GALM: variants seen among roughly 807,000 people sequenced by gnomAD.
The protein encoded by GALM is aldose 1-epimerase.
In GALM, 43 loss-of-function variants were observed where a neutral mutation model predicts 37.4. That is an observed-to-expected ratio of 1.15 (90% CI 0.90 to 1.48). GALM has a LOEUF of 1.48. GALM is among the 40% of genes most tolerant of loss of function. GALM has a pLI of 0.00. For synonymous variants in GALM, 199 were observed against 170.6 expected (o/e 1.17, Z -1.30); for missense variants, 456 against 419.1 (o/e 1.09, Z -0.77).
In GALM at chr2:38,681,387, C is replaced by G. The variant is rs771030730; in HGVS notation, c.453C>G (p.Thr151=). Residue 151 remains threonine, a synonymous_variant, in exon 3 of 7, where the codon ACC becomes ACG. Transcript: ENST00000272252. ...AGTTAAAAGTCTGGGTGACATACAC[C>G]CTGGATGGCGGAGAGCTCATAGTCA... ...PGELKVWVTY[T]LDGGELIVNY... 4.3e-6 allele frequency: 7 copies of G among 1,614,018 alleles called. No homozygotes were observed. Among genetic ancestry groups the G allele is most frequent in the Non-Finnish European group, 5.9e-6 (7 of 1,179,950 alleles).
At chr2:38,714,082 A>G (rs1187759807) in intron 4 of GALM, among the ~76,000 whole-genome samples, 1 of 152,200 alleles carries the variant, frequency 6.6e-6, no homozygotes, top group Non-Finnish European at 1.5e-5. Flanking sequence ...CTTTGTAAGT[A>G]TTAACTATTA....
intron 1 of GALM, among the ~76,000 whole-genome samples, chr2:38,672,413 G>A (rs549483802): frequency 6.6e-6 from 1 of 152,208 alleles, no homozygotes; most frequent in Non-Finnish European, 1.5e-5. Flanking sequence ...CAGTGTATGG[G>A]CTTTTAAAGC....
chr2:38,684,233 G>A (rs969592885), intron 3 of GALM, among the ~76,000 whole-genome samples: 59 of 152,182 alleles, frequency 3.9e-4, no homozygotes, highest in Non-Finnish European at 7.3e-4. Flanking sequence ...AAGTTTGAGG[G>A]TTGGAGACCT....
chr2:38,716,934 C>A (rs1666280414), intron 4 of GALM, among the ~76,000 whole-genome samples: 2 of 152,138 alleles, frequency 1.3e-5, no homozygotes, highest in African/African-American at 4.8e-5. Context: ...GGCAGAAATG[C>A]ACCTTCCTTT....
chr2:38,724,669 C>T (rs764485364), intron 4 of GALM, among the ~76,000 whole-genome samples: 1 of 152,034 alleles, frequency 6.6e-6, no homozygotes, highest in Non-Finnish European at 1.5e-5. Context: ...TTAGAATTGT[C>T]CCAGTTTTCT....
intron 2 of GALM, among the ~76,000 whole-genome samples, chr2:38,680,739 CAAAG>C (rs556454727): frequency 8.2e-4 from 124 of 150,934 alleles, no homozygotes; most frequent in African/African-American, 3.0e-3. Flanking sequence ...GAAAAATCAT[CAAAG>C]AAGAGGAGAG....
chr2:38,683,308 T>C (rs1275716802), intron 3 of GALM, among the ~76,000 whole-genome samples: 1 of 152,206 alleles, frequency 6.6e-6, no homozygotes, highest in Admixed American at 6.6e-5. Flanking sequence ...TCCTAGATCA[T>C]AGACCCCACC....
chr2:38,680,266 C>T, intron 2 of GALM: 1 of 242,974 alleles, frequency 4.1e-6, no homozygotes, highest in South Asian at 3.9e-5. Flanking sequence ...AAGCGATCCT[C>T]CTGCCTCAGC....
chr2:38,669,308 T>C (rs891458352), intron 1 of GALM: 2 of 152,306 alleles, frequency 1.3e-5, no homozygotes, highest in East Asian at 1.9e-4. Context: ...AGTGTGAAAA[T>C]CCCTGTCCTG....
intron 4 of GALM, among the ~76,000 whole-genome samples, chr2:38,723,671 G>C (rs779077105): frequency 1.2e-4 from 18 of 151,978 alleles, no homozygotes; most frequent in Non-Finnish European, 2.4e-4. Context: ...TACTGCAGTA[G>C]TCACAGCTAC....
chr2:38,722,125 G>A (rs1258779457), intron 4 of GALM, among the ~76,000 whole-genome samples: 6 of 146,728 alleles, frequency 4.1e-5, no homozygotes, highest in South Asian at 2.2e-4. Flanking sequence ...TTTGGGAGGC[G>A]GAGGCAGCTG....
intron 1 of GALM, chr2:38,668,540 T>C (rs1409516812): frequency 6.6e-6 from 1 of 152,182 alleles, no homozygotes; most frequent in Non-Finnish European, 1.5e-5. Flanking sequence ...GTGCCCAGGG[T>C]GCAGAGGATG....
At chr2:38,697,038 C>T (rs901360578) in intron 4 of GALM, among the ~76,000 whole-genome samples, 2 of 152,100 alleles carry the variant, frequency 1.3e-5, no homozygotes, top group South Asian at 2.1e-4. Context: ...GATCCACCTG[C>T]TGTGGCCTCC....
intron 6 of GALM, among the ~76,000 whole-genome samples, chr2:38,733,049 T>C (rs1401824043): frequency 6.6e-6 from 1 of 151,490 alleles, no homozygotes; most frequent in East Asian, 1.9e-4. Context: ...GACAAAACCC[T>C]GTCTCTAGTA....
At chr2:38,672,576 G>A (rs1039644652) in intron 1 of GALM, among the ~76,000 whole-genome samples, 4 of 152,194 alleles carry the variant, frequency 2.6e-5, no homozygotes, top group Non-Finnish European at 5.9e-5. Context: ...TCATGAGCTA[G>A]ACTGTCTGGA....
intron 2 of GALM, among the ~76,000 whole-genome samples, chr2:38,678,795 C>A (rs911091232): frequency 6.6e-6 from 1 of 152,114 alleles, no homozygotes; most frequent in Non-Finnish European, 1.5e-5. Context: ...GTGGACAGAT[C>A]CTGGGCTCAG....
intron 4 of GALM, among the ~76,000 whole-genome samples, chr2:38,690,448 G>A (rs34909144): frequency 0.076 from 11,523 of 152,038 alleles, 582 homozygotes; most frequent in South Asian, 0.22. Context: ...GGGGGGCGGT[G>A]CGGGAGGGGA....
At chr2:38,724,615 C>A (rs1169487138) in intron 4 of GALM, among the ~76,000 whole-genome samples, 1 of 152,094 alleles carries the variant, frequency 6.6e-6, no homozygotes, top group African/African-American at 2.4e-5. Context: ...TAGATTGGAG[C>A]CTTCACTGTT....
chr2:38,675,543 TTGTGTGTGTGTGTG>T lies in GALM; in HGVS notation c.191-336_191-323del, dbSNP rs1160196072. On this transcript the variant is annotated intron_variant, in intron 1 of 6. Transcript: ENST00000272252. Reference sequence around the variant, plus strand: ...GTTTTTTTGTTTTTTTTTTTTTTTTTTGTGTGTGTGTGTGTGTGTGTGTGTGTGTGTGTGTGTGT... The same window carrying T: ...GTTTTTTTGTTTTTTTTTTTTTTTTTTGTGTGTGTGTGTGTGTGTGTGTGT... 1.8e-3 allele frequency among the ~76,000 whole-genome samples: 62 copies of T among 33,612 alleles called. 1 individual carries two copies. The highest frequency in any genetic ancestry group is 5.1e-3 in the African/African-American group (49 of 9,676). 22.1% of individuals were successfully genotyped at this position (33,612 alleles called of 152,430 possible). A position where few individuals can be genotyped will look rare whatever the true frequency, so the allele number is the denominator to read the frequency against.
Sources: allele counts gnomAD v4.1 joint callset (sites outside exome capture counted in the v4.1 genomes callset), GRCh38; gene constraint gnomAD v4.1.1; transcripts MANE v1.5; gene names NCBI Gene and HGNC (gene_info 2026-07-23, HGNC 2026-07-21).